PLCL1: variants seen among roughly 807,000 people sequenced by gnomAD.
The protein encoded by PLCL1 is inactive phospholipase C-like protein 1.
In PLCL1, 41 loss-of-function variants were observed where a neutral mutation model predicts 84.4. The ratio of observed to expected loss-of-function variants is 0.49; its 90% CI spans 0.38 to 0.63. The LOEUF (loss-of-function observed/expected upper bound fraction) is 0.63. PLCL1 is among the 30% of genes least tolerant of loss of function. PLCL1 has a pLI of 0.00. For synonymous variants in PLCL1, 490 were observed against 488.3 expected, an observed-to-expected ratio of 1.00 and a Z score of -0.05; for missense variants, 1,206 against 1,367.8, an observed-to-expected ratio of 0.88 and a Z score of 1.87.
At chr2:198,128,051 A>G (rs1403553102) in intron 5 of PLCL1, among the ~76,000 whole-genome samples, 4 of 152,208 alleles carry the variant, frequency 2.6e-5, no homozygotes, top group Non-Finnish European at 5.9e-5. Context: ...AACGATCAGT[A>G]CTAGAAGTAG....
chr2:198,070,687 T>G (rs565623263), intron 1 of PLCL1, among the ~76,000 whole-genome samples: 1 of 152,016 alleles, frequency 6.6e-6, no homozygotes, highest in East Asian at 1.9e-4. Context: ...TGTAATTATT[T>G]TAATAAAAAT....
At chr2:197,955,902 A>G (rs146071192) in intron 1 of PLCL1, among the ~76,000 whole-genome samples, 2 of 151,854 alleles carry the variant, frequency 1.3e-5, no homozygotes. Flanking sequence ...TGCTGCACCT[A>G]TCAACCCGTC....
intron 1 of PLCL1, among the ~76,000 whole-genome samples, chr2:197,857,858 A>G (rs1687358089): frequency 6.6e-6 from 1 of 152,122 alleles, no homozygotes; most frequent in South Asian, 2.1e-4. Context: ...CTGGAATTAT[A>G]TAACCTTGCC....
chr2:197,873,816 A>G (rs1687690896), intron 1 of PLCL1, among the ~76,000 whole-genome samples: 1 of 152,258 alleles, frequency 6.6e-6, no homozygotes, highest in Middle Eastern at 3.4e-3. Flanking sequence ...GCACACCACA[A>G]TCTGAGCTTA....
intron 1 of PLCL1, among the ~76,000 whole-genome samples, chr2:197,885,117 T>C (rs1437891409): frequency 6.6e-6 from 1 of 152,238 alleles, no homozygotes; most frequent in Non-Finnish European, 1.5e-5. Context: ...AGACTTTTGC[T>C]CTGGAACATT....
intron 1 of PLCL1, among the ~76,000 whole-genome samples, chr2:198,016,989 C>G (rs1158097451): frequency 6.6e-6 from 1 of 152,114 alleles, no homozygotes; most frequent in Non-Finnish European, 1.5e-5. Context: ...TGCCGTGCTT[C>G]TGCAGATTTT....
At chr2:197,904,942 T>C (rs1688347132) in intron 1 of PLCL1, among the ~76,000 whole-genome samples, 3 of 152,348 alleles carry the variant, frequency 2.0e-5, no homozygotes, top group East Asian at 1.9e-4. Context: ...GTGATTTAGA[T>C]GGACACATTC....
At chr2:197,901,038 C>G (rs1280984589) in intron 1 of PLCL1, among the ~76,000 whole-genome samples, 2 of 152,158 alleles carry the variant, frequency 1.3e-5, no homozygotes, top group African/African-American at 2.4e-5. Context: ...TAGGTACATA[C>G]ACATTGAGAA....
chr2:197,931,663 A>G (rs113404103), intron 1 of PLCL1, among the ~76,000 whole-genome samples: 1 of 109,778 alleles, frequency 9.1e-6, no homozygotes, highest in Non-Finnish European at 1.9e-5. Flanking sequence ...CAACCAACCA[A>G]CCAACCAACC....
intron 1 of PLCL1, among the ~76,000 whole-genome samples, chr2:197,828,484 G>C (rs1460528194): frequency 6.6e-6 from 1 of 151,916 alleles, no homozygotes; most frequent in African/African-American, 2.4e-5. Context: ...TTTAACATAG[G>C]ATTTAAAAAT....
At chr2:198,048,090 C>T (rs1380195738) in intron 1 of PLCL1, among the ~76,000 whole-genome samples, 1 of 152,214 alleles carries the variant, frequency 6.6e-6, no homozygotes, top group African/African-American at 2.4e-5. Context: ...TGGATTTTCT[C>T]TCAGTTTCTG....
chr2:198,047,856 T>C (rs965944295), intron 1 of PLCL1, among the ~76,000 whole-genome samples: 1 of 152,328 alleles, frequency 6.6e-6, no homozygotes, highest in Middle Eastern at 3.4e-3. Context: ...GTTTCTGCTC[T>C]ATATTGAAAT....
intron 1 of PLCL1, among the ~76,000 whole-genome samples, chr2:197,894,820 A>G (rs769771140): frequency 2.0e-4 from 30 of 151,964 alleles, no homozygotes; most frequent in Non-Finnish European, 3.7e-4. Context: ...GACTTGTGCT[A>G]TAATCCTGGG....
At chr2:198,049,677 A>G (rs1363232553) in intron 1 of PLCL1, among the ~76,000 whole-genome samples, 1 of 152,240 alleles carries the variant, frequency 6.6e-6, no homozygotes, top group African/African-American at 2.4e-5. Context: ...TCCCCAGCTC[A>G]TTAGAAGTGC....
At chr2:198,060,856 A>G (rs548932054) in intron 1 of PLCL1, among the ~76,000 whole-genome samples, 82 of 152,170 alleles carry the variant, frequency 5.4e-4, no homozygotes, top group Non-Finnish European at 1.1e-3. Flanking sequence ...TTAAAGTACC[A>G]TTAAGTAAAA....
At chr2:198,141,288 G>A (rs747008647) in intron 5 of PLCL1, among the ~76,000 whole-genome samples, 9 of 152,024 alleles carry the variant, frequency 5.9e-5, no homozygotes, top group Non-Finnish European at 1.5e-5. Context: ...TTCTATTTTT[G>A]TGCAAAATTA....
intron 1 of PLCL1, among the ~76,000 whole-genome samples, chr2:198,010,619 TG>T (rs1480229069): frequency 6.6e-6 from 1 of 151,982 alleles, no homozygotes; most frequent in Non-Finnish European, 1.5e-5. Flanking sequence ...CAGTTTTTTT[TG>T]TGTGTCTTTT....
chr2:197,939,470 G>T (rs1228361308), intron 1 of PLCL1, among the ~76,000 whole-genome samples: 1 of 152,120 alleles, frequency 6.6e-6, no homozygotes, highest in East Asian at 1.9e-4. Flanking sequence ...TTGGAGGGTA[G>T]AAGTCCAGGA....
In PLCL1 at chr2:198,085,394, A is replaced by G; in HGVS notation, c.1877A>G (p.Glu626Gly). The G allele has an allele frequency of 6.2e-7, 1 of 1,611,846 alleles. No individual in the cohort carries two copies. ...SETEASRIANEYPEDFVNYNK... is the reference protein window; with the variant it reads ...SETEASRIANGYPEDFVNYNK... ...ACAGAGGCCAGCCGCATTGCAAATG[A>G]GTACCCAGAGGATTTTGTTAATTAT... is the stretch of plus-strand genomic sequence containing the variant. Residue 626 changes from glutamate (E) to glycine (G), a missense_variant, in exon 2 of 6, where the codon GAG becomes GGG. By Grantham distance (98) the Glu-to-Gly change is moderately conservative. Coordinates refer to ENST00000428675, the MANE Select transcript of PLCL1 (RefSeq NM_006226.4). This position sits in a 1 kb window ranked among gnomAD's most constrained non-coding sequence, Gnocchi z 5.3.
Sources: allele counts gnomAD v4.1 joint callset (sites outside exome capture counted in the v4.1 genomes callset), GRCh38; gene constraint gnomAD v4.1.1; non-coding constraint Gnocchi (gnomAD v3.1); transcripts MANE v1.5; gene names NCBI Gene and HGNC (gene_info 2026-07-23, HGNC 2026-07-21).